The following TPPP variants were observed in gnomAD, a reference collection of about 807,000 sequenced individuals.
The protein encoded by TPPP is tubulin polymerization promoting protein, also known as tubulin polymerization-promoting protein.
A neutral mutation model predicts 15.5 loss-of-function variants in TPPP; 6 were observed. That is an observed-to-expected ratio of 0.39 (90% CI 0.21 to 0.77). The LOEUF (loss-of-function observed/expected upper bound fraction) is 0.77, where lower values mean the gene tolerates loss of function less well. Among genes scored for constraint, TPPP ranks in the 30% least tolerant of loss-of-function variants. TPPP has a pLI of 0.42. For missense variants in TPPP, 269 were observed against 307.2 expected (o/e 0.88, Z 0.93); for synonymous variants, 146 against 133.9 (o/e 1.09, Z -0.63).
Position 666,027 on chromosome 5 carries a change from G to C in TPPP, c.408C>G (p.Ala136=), listed in dbSNP as rs529736782. ...KRFKDKSSEE[A]VREVHRLIEG... ...CGATGAGCCTGTGCACCTCGCGAACGGCCTCCTCGCTGCTCTTGTCTTTGA... is the reference window on the plus strand; with the variant it reads ...CGATGAGCCTGTGCACCTCGCGAACCGCCTCCTCGCTGCTCTTGTCTTTGA... Residue 136 remains alanine (A), a synonymous_variant, in exon 3 of 4, where the codon GCC becomes GCG. Transcript: ENST00000360578. The C allele has an allele frequency of 3.1e-6, 5 of 1,601,042 alleles. No homozygotes were observed. The highest frequency in any genetic ancestry group is 2.2e-5 in the South Asian group (2 of 90,780).
rs111639695 is a variant in TPPP, at chr5:663,039, C to G, written c.*2063G>C. 3 of 149,078 alleles carry G rather than the reference C, an allele frequency of 2.0e-5. No homozygotes were observed. Among genetic ancestry groups the G allele is most frequent in the East Asian group, 1.9e-4 (1 of 5,196 alleles). 9.2% of individuals were successfully genotyped at this position (149,078 alleles called of 1,614,324 possible). A position where few individuals can be genotyped will look rare whatever the true frequency, so the allele number is the denominator to read the frequency against. On this transcript the variant is annotated 3_prime_UTR_variant, in exon 4 of 4. Coordinates refer to ENST00000360578, the MANE Select transcript of TPPP (RefSeq NM_007030.3). ...CCGCTCGTCTGTGATCGGGTGAGTC[C>G]GATGACTGCTCGTCTGTGATCGGGT... is the stretch of plus-strand genomic sequence containing the variant.
At position 678,019 on chromosome 5, in the gene TPPP, C is replaced by T. The variant is rs201349129; in HGVS notation, c.42G>A (p.Thr14=). ...AGGGGTCCCCCGGGGACTTGGGGGG[C>T]GTCCTGTTGGCAGCTTTGGCAGGCT... is the stretch of plus-strand genomic sequence containing the variant. ...KAKPAKAANR[T]PPKSPGDPSK... Residue 14 remains threonine (T), a synonymous_variant, in exon 2 of 4, where the codon ACG becomes ACA. Coordinates refer to ENST00000360578, the MANE Select transcript of TPPP (RefSeq NM_007030.3). 5.9e-5 allele frequency: 95 copies of T among 1,597,008 alleles called. No individual in the cohort carries two copies. In the East Asian group the frequency reaches 1.2e-3, roughly 20 times the overall value.
At chr5:679,415 G>A (rs1483267203) in intron 1 of TPPP, among the ~76,000 whole-genome samples, 1 of 109,562 alleles carries the variant, frequency 9.1e-6, no homozygotes, top group Non-Finnish European at 1.9e-5. Context: ...GATCCTGGGG[G>A]TGGAAGGGCC....
rs906018962 is a variant in TPPP, at chr5:663,403, T to C, written c.*1699A>G. The C allele has an allele frequency of 2.0e-5, 3 of 152,446 alleles. No homozygotes were observed. The highest frequency in any genetic ancestry group is 7.2e-5 in the African/African-American group (3 of 41,454). The allele number at this position is 152,446 out of a possible 1,614,324, so 9.4% of individuals were successfully genotyped here. A position where few individuals can be genotyped will look rare whatever the true frequency, so the allele number is the denominator to read the frequency against. Reference sequence around the variant, plus strand: ...AAGCCTGAGGTCCATTTTTCCTTGCTCTTTATTTCCAGGCACTGAACTTCC... The same window carrying C: ...AAGCCTGAGGTCCATTTTTCCTTGCCCTTTATTTCCAGGCACTGAACTTCC... On this transcript the variant is annotated 3_prime_UTR_variant, in exon 4 of 4. Coordinates refer to ENST00000360578, the MANE Select transcript of TPPP (RefSeq NM_007030.3).
chr5:673,161 ACTCCC>A (rs1740281901), intron 2 of TPPP, among the ~76,000 whole-genome samples: 1 of 150,628 alleles, frequency 6.6e-6, no homozygotes, highest in Non-Finnish European at 1.5e-5. Flanking sequence ...AACAAAAGCA[ACTCCC>A]ACAGGCCCGC....
chr5:686,389 A>G (rs867585680), intron 1 of TPPP, among the ~76,000 whole-genome samples: 22,788 of 150,512 alleles, frequency 0.15, 444 homozygotes, highest in South Asian at 0.18. Context: ...GAGGCTCTCA[A>G]GGGGGCAGAG....
rs1312276559 is a variant in TPPP at position 661,515 on chromosome 5, C to CAAAT, written c.*3583_*3586dup. The CAAAT allele has an allele frequency of 6.6e-6, 1 of 152,410 alleles. No individual in the cohort carries two copies. Among genetic ancestry groups the CAAAT allele is most frequent in the African/African-American group, 2.4e-5 (1 of 41,452 alleles). The allele number at this position is 152,410 out of a possible 1,614,324, so 9.4% of individuals were successfully genotyped here. On this transcript the variant is annotated 3_prime_UTR_variant, in exon 4 of 4. Coordinates refer to ENST00000360578, the MANE Select transcript of TPPP (RefSeq NM_007030.3). ...TGCAGGTTGTGCAGTTTGTTATTCA[C>CAAAT]AAATACACATTTATTTTCTGTTGAA...
Position 669,064 on chromosome 5 carries a change from A to C in TPPP, c.312-2941T>G, listed in dbSNP as rs893715010. On this transcript the variant is annotated intron_variant, in intron 2 of 3. Transcript: ENST00000360578. The stretch of plus-strand genomic sequence containing the variant: ...CAAAGAAGAAATCGCGCTGAGAAAC[A>C]CACCAAGTGCTCGGGGTCCCACAGC... Among the ~76,000 whole-genome samples the C allele has an allele frequency of 2.0e-5, 3 of 152,194 alleles. 1 individual carries two copies. Among genetic ancestry groups the C allele is most frequent in the Non-Finnish European group, 4.4e-5 (3 of 68,026 alleles).
chr5:680,875 A>G (rs1008708960), intron 1 of TPPP, among the ~76,000 whole-genome samples: 2 of 152,268 alleles, frequency 1.3e-5, no homozygotes, highest in African/African-American at 2.4e-5. Context: ...ATTAGGCACG[A>G]CGTGCCGCTG....
At chr5:674,489 G>A (rs1740336592) in intron 2 of TPPP, among the ~76,000 whole-genome samples, 1 of 152,090 alleles carries the variant, frequency 6.6e-6, no homozygotes, top group Non-Finnish European at 1.5e-5. Flanking sequence ...CCCTCTCCCG[G>A]TCCGAGTGCC....
chr5:687,164 A>G (rs1289610904), intron 1 of TPPP, among the ~76,000 whole-genome samples: 9 of 139,698 alleles, frequency 6.4e-5, no homozygotes, highest in African/African-American at 2.4e-4. Context: ...CGTCCCACCA[A>G]GCCTCCAGAG....
At chr5:679,259 A>AG (rs1334627876) in intron 1 of TPPP, among the ~76,000 whole-genome samples, 1 of 152,148 alleles carries the variant, frequency 6.6e-6, no homozygotes, top group Non-Finnish European at 1.5e-5. Flanking sequence ...AAAAAAATCC[A>AG]GGGGCACTCC....
In TPPP at chr5:675,499, G is replaced by A. The variant is rs796104731; in HGVS notation, c.311+2251C>T. 1.7e-4 allele frequency among the ~76,000 whole-genome samples: 25 copies of A among 144,278 alleles called. No homozygotes were observed. The East Asian group carries it at 3.3e-3, about 19-fold the overall frequency. The allele number at this position is 144,278 out of a possible 152,430, so 94.7% of individuals were successfully genotyped here. On this transcript the variant is annotated intron_variant, in intron 2 of 3. Coordinates refer to ENST00000360578, the MANE Select transcript of TPPP (RefSeq NM_007030.3). ...GTGTGGCCAGGGGTACATTGTGGCC[G>A]GGGCTGCAGTGTGACCAGGGGTGCA...
Position 668,087 on chromosome 5 carries a change from G to A in TPPP, c.312-1964C>T, listed in dbSNP as rs545070082. Among the ~76,000 whole-genome samples the A allele has an allele frequency of 2.7e-4, 20 of 73,978 alleles. 1 individual carries two copies. The highest frequency in any genetic ancestry group is 6.3e-4 in the Admixed American group (5 of 7,928). 48.5% of individuals were successfully genotyped at this position (73,978 alleles called of 152,430 possible). On this transcript the variant is annotated intron_variant, in intron 2 of 3. Transcript: ENST00000360578. ...CGACAAGCACACTGGAGAGGGGTCCGCGTGGGCCCCATCAGGGAAGTACCG... is the reference window on the plus strand; with the variant it reads ...CGACAAGCACACTGGAGAGGGGTCCACGTGGGCCCCATCAGGGAAGTACCG...
At chr5:679,084 G>C (rs892806368) in intron 1 of TPPP, among the ~76,000 whole-genome samples, 1 of 152,164 alleles carries the variant, frequency 6.6e-6, no homozygotes, top group Non-Finnish European at 1.5e-5. Context: ...GGGAGGGTCC[G>C]TGCCGAGGAC....
intron 2 of TPPP, among the ~76,000 whole-genome samples, chr5:671,996 G>A (rs145774599): frequency 0.012 from 1,824 of 152,308 alleles, 18 homozygotes; most frequent in Middle Eastern, 0.024. Context: ...GGACAGACAG[G>A]AGGACGTCAC....
At chr5:693,552 A>G (rs1304943997), upstream of TPPP, among the ~76,000 whole-genome samples, 1 of 151,172 alleles carries the variant, frequency 6.6e-6, no homozygotes, top group African/African-American at 2.4e-5. Flanking sequence ...TACAAGGCCG[A>G]CTCTGCTCAG....
rs139528526 is a variant in TPPP, at chr5:668,111, C to T, written c.312-1988G>A. Among the ~76,000 whole-genome samples the T allele has an allele frequency of 5.0e-5, 2 of 39,712 alleles. 1 individual carries two copies. Among genetic ancestry groups the T allele is most frequent in the Non-Finnish European group, 9.0e-5 (2 of 22,222 alleles). The allele number at this position is 39,712 out of a possible 152,430, so 26.1% of individuals were successfully genotyped here. On this transcript the variant is annotated intron_variant, in intron 2 of 3. Transcript: ENST00000360578. ...CGCGTGGGCCCCATCAGGGAAGTAC[C>T]GACAAGCACACGGAGAGGGGTCCGC...
intron 1 of TPPP, among the ~76,000 whole-genome samples, chr5:678,652 C>G (rs412794): frequency 7.5e-6 from 1 of 133,890 alleles, no homozygotes; most frequent in African/African-American, 3.8e-5. Flanking sequence ...GCCCTGGGGG[C>G]GCCTCAGGAT....
Sources: allele counts gnomAD v4.1 joint callset (sites outside exome capture counted in the v4.1 genomes callset), GRCh38; gene constraint gnomAD v4.1.1; transcripts MANE v1.5; gene names NCBI Gene and HGNC (gene_info 2026-07-23, HGNC 2026-07-21).